EYS: variants seen among roughly 807,000 people sequenced by gnomAD.
EYS encodes the protein protein eyes shut homolog.
Under a neutral mutation model 282.1 loss-of-function variants are expected in EYS, and 250 were observed. That is an observed-to-expected ratio of 0.89 (90% confidence interval 0.80 to 0.98). The LOEUF (loss-of-function observed/expected upper bound fraction) is 0.98. EYS is among the 50% of genes least tolerant of loss of function. EYS has a pLI of 0.00. For missense variants in EYS, 4,016 were observed against 3,709.0 expected, an observed-to-expected ratio of 1.08 and a Z score of -2.15; for synonymous variants, 1,355 against 1,282.9, an observed-to-expected ratio of 1.06 and a Z score of -1.20.
intron 12 of EYS, among the ~76,000 whole-genome samples, chr6:65,292,519 G>A (rs1354646536): frequency 6.6e-6 from 1 of 151,754 alleles, no homozygotes; most frequent in Non-Finnish European, 1.5e-5. Context: ...TCACTCCAGT[G>A]AGTGTTCTAG....
rs1448862219 is a variant in EYS at position 64,553,547 on chromosome 6, C to G, written c.5644+36676G>C. On this transcript the variant is annotated intron_variant, in intron 26 of 42. Transcript: ENST00000503581. ...AGAACATCTGTGACTTTTGTTTGAC[C>G]CCCCCCCCCCCATAGGCAGTTACAA... is the stretch of plus-strand genomic sequence containing the variant. Among the ~76,000 whole-genome samples, 39 of 69,624 alleles carry G rather than the reference C, an allele frequency of 5.6e-4. 4 individuals carry two copies. Among genetic ancestry groups the G allele is most frequent in the African/African-American group, 2.8e-3 (38 of 13,614 alleles). 45.7% of individuals were successfully genotyped at this position (69,624 alleles called of 152,430 possible). A position where few individuals can be genotyped will look rare whatever the true frequency, so the allele number is the denominator to read the frequency against.
chr6:63,872,477 G>GTTTTTT lies in EYS; in HGVS notation c.7056-8125_7056-8120dup, dbSNP rs3041455. Among the ~76,000 whole-genome samples, 264 of 119,340 alleles carry GTTTTTT rather than the reference G, an allele frequency of 2.2e-3. 6 individuals are homozygous for GTTTTTT. The highest frequency in any genetic ancestry group is 5.3e-3 in the Middle Eastern group (1 of 190). 78.3% of individuals were successfully genotyped at this position (119,340 alleles called of 152,430 possible). Reference sequence around the variant, plus strand: ...CCTACATCCACTATACCTAAATATGGTTTTTTTTTTTTTTTTTTTAGACCT... The same window carrying GTTTTTT: ...CCTACATCCACTATACCTAAATATGGTTTTTTTTTTTTTTTTTTTTTTTTTAGACCT... On this transcript the variant is annotated intron_variant, in intron 35 of 42. Transcript: ENST00000503581.
intron 29 of EYS, among the ~76,000 whole-genome samples, chr6:64,315,004 T>C (rs1769887180): frequency 6.6e-6 from 1 of 151,412 alleles, no homozygotes; most frequent in Non-Finnish European, 1.5e-5. Context: ...TTTGAAAAGA[T>C]CAACAAACTA....
At chr6:64,722,247 G>C (rs1462109095) in intron 22 of EYS, among the ~76,000 whole-genome samples, 3 of 152,078 alleles carry the variant, frequency 2.0e-5, no homozygotes, top group Non-Finnish European at 4.4e-5. Context: ...ATATAATAAA[G>C]TCAAAAGATA....
chr6:65,384,598 T>C (rs1180523482), intron 7 of EYS, 98 bp from the exon 8 acceptor site: 5 of 668,606 alleles, frequency 7.5e-6, no homozygotes, highest in Admixed American at 2.4e-5. Flanking sequence ...TTTGTTTAAA[T>C]TATATGGTAT....
chr6:64,591,025 A>C lies in EYS; in HGVS notation c.4842T>G (p.Ala1614=), dbSNP rs1225978726. The C allele has an allele frequency of 6.4e-7, 1 of 1,551,224 alleles. No homozygotes were observed. Among genetic ancestry groups the C allele is most frequent in the Admixed American group, 2.0e-5 (1 of 50,950 alleles). ...TITSGHSFSS[A]TEITPSVAFT... Reference sequence around the variant, plus strand: ...ATGCCACTGATGGTGTTATTTCAGTAGCAGAAGAAAATGAATGCCCAGAAG... The same window carrying C: ...ATGCCACTGATGGTGTTATTTCAGTCGCAGAAGAAAATGAATGCCCAGAAG... Residue 1614 remains alanine (A), a synonymous_variant, in exon 26 of 43, where the codon GCT becomes GCG. Transcript: ENST00000503581.
At chr6:64,565,409 T>C (rs2149814344) in intron 26 of EYS, among the ~76,000 whole-genome samples, 1 of 152,296 alleles carries the variant, frequency 6.6e-6, no homozygotes, top group African/African-American at 2.4e-5. Flanking sequence ...ATGAAGAAAA[T>C]GTGGTACATA....
chr6:65,251,039 G>GAAAAAAAAAAAAAAAAAAAAAAAAA (rs61504367), intron 12 of EYS, among the ~76,000 whole-genome samples: 3 of 88,818 alleles, frequency 3.4e-5, no homozygotes, highest in Admixed American at 1.3e-4. Context: ...AATAACAACA[G>GAAAAAAAAAAAAAAAAAAAAAAAAA]AAAAAAAAAA....
chr6:63,762,490 A>C lies in EYS; in HGVS notation c.8042T>G (p.Leu2681Arg). The change falls in exon 41 of 43, where the codon CTA becomes CGA. Residue 2681 changes from leucine (L) to arginine (R), a missense_variant. Transcript: ENST00000503581. ...TTCACAGTAGATTCCAGTGGTTCCT[A>C]GAGGACAGAAACAGGTGTATCCATG... ...LPHGYTCFCP[L>R]GTTGIYCEQA... 1 of 1,550,232 alleles carries C rather than the reference A, an allele frequency of 6.5e-7. No individual in the cohort carries two copies. The highest frequency in any genetic ancestry group is 8.7e-7 in the Non-Finnish European group (1 of 1,145,942).
chr6:65,324,482 G>C (rs372090599), intron 11 of EYS, among the ~76,000 whole-genome samples: 1 of 152,128 alleles, frequency 6.6e-6, no homozygotes, highest in Non-Finnish European at 1.5e-5. Context: ...GTGAAACACC[G>C]GTGATATTGT....
chr6:64,565,006 G>A (rs759711735), intron 26 of EYS, among the ~76,000 whole-genome samples: 4 of 152,002 alleles, frequency 2.6e-5, no homozygotes, highest in Admixed American at 6.6e-5. Flanking sequence ...GATCCTTTGC[G>A]TAAATTTTTT....
chr6:65,100,356 A>C, intron 12 of EYS, among the ~76,000 whole-genome samples: 1 of 150,764 alleles, frequency 6.6e-6, no homozygotes, highest in East Asian at 1.9e-4. Flanking sequence ...TTTAATCAGA[A>C]GTTTTTTTAA....
chr6:65,044,563 G>A (rs1212450828), intron 13 of EYS, among the ~76,000 whole-genome samples: 2 of 151,576 alleles, frequency 1.3e-5, no homozygotes, highest in Non-Finnish European at 2.9e-5. Context: ...TCTTGACATC[G>A]TGCTGATATG....
intron 27 of EYS, among the ~76,000 whole-genome samples, chr6:64,438,567 T>C (rs1265591820): frequency 6.6e-6 from 1 of 151,588 alleles, no homozygotes; most frequent in Admixed American, 6.6e-5. Context: ...CTTAAGGTTA[T>C]AAAAATGGTA....
chr6:65,412,391 T>G (rs1767056510), intron 5 of EYS, among the ~76,000 whole-genome samples: 1 of 152,162 alleles, frequency 6.6e-6, no homozygotes, highest in South Asian at 2.1e-4. Context: ...GCATGTATAG[T>G]TTTTAAAGAA....
chr6:65,154,210 A>T (rs375655500), intron 12 of EYS, among the ~76,000 whole-genome samples: 4 of 151,764 alleles, frequency 2.6e-5, no homozygotes, highest in South Asian at 4.1e-4. Context: ...TACCTTCAAG[A>T]ATCTTGAAGC....
chr6:65,162,911 TTGTGTG>T (rs3036015), intron 12 of EYS, among the ~76,000 whole-genome samples: 8 of 147,386 alleles, frequency 5.4e-5, no homozygotes, highest in Admixed American at 2.7e-4. Context: ...CCTGTTCTGT[TTGTGTG>T]TGTGTGTGTG....
At chr6:64,104,423 T>G (rs1772936382) in intron 31 of EYS, among the ~76,000 whole-genome samples, 1 of 152,112 alleles carries the variant, frequency 6.6e-6, no homozygotes, top group African/African-American at 2.4e-5. Context: ...AGCAAGCACA[T>G]AACTGTTTAG....
chr6:65,415,198 G>A (rs1367248846), intron 5 of EYS, among the ~76,000 whole-genome samples: 1 of 151,998 alleles, frequency 6.6e-6, no homozygotes, highest in Non-Finnish European at 1.5e-5. Context: ...GAGGAAATGA[G>A]AAGAATAAAA....
Sources: gnomAD v4.1 joint callset for allele counts (sites outside exome capture counted in the v4.1 genomes callset) on GRCh38, gnomAD v4.1.1 for gene constraint, MANE v1.5 for transcripts, NCBI Gene and HGNC (gene_info 2026-07-23, HGNC 2026-07-21) for gene names.